TANK: variants seen among roughly 807,000 people sequenced by gnomAD.
The protein encoded by TANK is TRAF family member-associated NF-kappa-B activator.
Under a neutral mutation model 43.6 loss-of-function variants are expected in TANK, and 15 were observed. That is an observed-to-expected ratio of 0.34 (90% CI 0.23 to 0.53). TANK has a LOEUF of 0.53. Among genes scored for constraint, TANK ranks in the 20% least tolerant of loss-of-function variants. The probability of loss-of-function intolerance (pLI) is 0.94; values close to 1 mark genes in which losing one functional copy is unlikely to be tolerated. For synonymous variants in TANK, 162 were observed against 178.2 expected (o/e 0.91, Z 0.73); for missense variants, 417 against 498.6 (o/e 0.84, Z 1.56).
chr2:161,190,945 CTA>C (rs1685888279), intron 2 of TANK, among the ~76,000 whole-genome samples: 1 of 152,036 alleles, frequency 6.6e-6, no homozygotes, highest in South Asian at 2.1e-4. Context: ...TTTAAAAACT[CTA>C]TTACAAAAAA....
intron 4 of TANK, 98 bp from the exon 5 acceptor site, chr2:161,223,817 A>G: frequency 1.4e-6 from 1 of 704,468 alleles, no homozygotes; most frequent in Non-Finnish European, 2.4e-6. Flanking sequence ...TCAGTAGGGA[A>G]GGTAAATAAA....
chr2:161,185,542 A>C (rs1376193551), intron 2 of TANK, among the ~76,000 whole-genome samples: 1 of 151,168 alleles, frequency 6.6e-6, no homozygotes, highest in Non-Finnish European at 1.5e-5. Context: ...ATAACATAGC[A>C]GAGAGAGAGG....
At chr2:161,165,522 GTTGT>G (rs753658228) in intron 1 of TANK, among the ~76,000 whole-genome samples, 5 of 152,012 alleles carry the variant, frequency 3.3e-5, no homozygotes, top group African/African-American at 4.8e-5. Flanking sequence ...CCTTGAGATT[GTTGT>G]TTCTCAACCT....
chr2:161,227,879 T>C (rs116111521), intron 6 of TANK, among the ~76,000 whole-genome samples: 124 of 152,350 alleles, frequency 8.1e-4, no homozygotes, highest in African/African-American at 2.9e-3. Context: ...CGAGAGTTAA[T>C]GGACTTTAAG....
intron 2 of TANK, among the ~76,000 whole-genome samples, chr2:161,192,799 T>C (rs896459477): frequency 6.6e-6 from 1 of 152,224 alleles, no homozygotes; most frequent in Non-Finnish European, 1.5e-5. Flanking sequence ...GTTAGCTTTA[T>C]TTTCAAATGA....
At chr2:161,174,316 G>A (rs1459403180) in intron 1 of TANK, among the ~76,000 whole-genome samples, 1 of 152,078 alleles carries the variant, frequency 6.6e-6, no homozygotes, top group African/African-American at 2.4e-5. Context: ...AAAAGTCACA[G>A]TAATTTTCAC....
At chr2:161,192,983 C>G (rs1277044393) in intron 2 of TANK, among the ~76,000 whole-genome samples, 1 of 152,158 alleles carries the variant, frequency 6.6e-6, no homozygotes, top group Non-Finnish European at 1.5e-5. Context: ...AATATAGTCT[C>G]CTCTCTCCTT....
intron 2 of TANK, among the ~76,000 whole-genome samples, chr2:161,187,271 C>CA (rs1685705213): frequency 6.6e-6 from 1 of 151,774 alleles, no homozygotes. Context: ...TACAAAAAAA[C>CA]AAAAACAAAA....
intron 1 of TANK, among the ~76,000 whole-genome samples, chr2:161,147,571 G>A (rs1271406008): frequency 2.0e-5 from 3 of 152,156 alleles, no homozygotes; most frequent in African/African-American, 7.2e-5. Flanking sequence ...GGGCTTCCCT[G>A]CCCCATGTGG....
intron 1 of TANK, among the ~76,000 whole-genome samples, chr2:161,149,634 T>G (rs1053434991): frequency 2.0e-5 from 3 of 152,164 alleles, no homozygotes; most frequent in Non-Finnish European, 2.9e-5. Context: ...TCATAAATGC[T>G]CTTTATTATG....
intron 1 of TANK, among the ~76,000 whole-genome samples, chr2:161,170,705 A>G (rs969896134): frequency 6.6e-6 from 1 of 152,208 alleles, no homozygotes; most frequent in Non-Finnish European, 1.5e-5. Context: ...ATTTACTGAC[A>G]GGTTGCGAAC....
intron 1 of TANK, among the ~76,000 whole-genome samples, chr2:161,151,973 G>A (rs904236829): frequency 1.8e-4 from 28 of 151,886 alleles, no homozygotes; most frequent in African/African-American, 6.8e-4. Flanking sequence ...ATTACCATGT[G>A]AGTTACAATT....
intron 6 of TANK, among the ~76,000 whole-genome samples, chr2:161,228,687 C>T (rs977452813): frequency 1.3e-5 from 2 of 152,204 alleles, no homozygotes; most frequent in Non-Finnish European, 2.9e-5. Flanking sequence ...TAGGCCTTCA[C>T]ATTCACTCAC....
At chr2:161,194,454 A>G (rs561127785) in intron 2 of TANK, among the ~76,000 whole-genome samples, 1 of 152,176 alleles carries the variant, frequency 6.6e-6, no homozygotes, top group South Asian at 2.1e-4. Context: ...AAAGTGAAGG[A>G]TACATAATAT....
intron 6 of TANK, among the ~76,000 whole-genome samples, chr2:161,228,766 A>G (rs761434619): frequency 8.5e-5 from 13 of 152,306 alleles, no homozygotes; most frequent in Non-Finnish European, 1.6e-4. Context: ...AGTGCTCTAT[A>G]CAGGCATACC....
chr2:161,222,385 TATTAAA>T (rs1342190342), intron 4 of TANK, among the ~76,000 whole-genome samples: 3 of 149,128 alleles, frequency 2.0e-5, no homozygotes, highest in Admixed American at 6.7e-5. Context: ...TTGTTTGACA[TATTAAA>T]TTATCAAATA....
intron 4 of TANK, chr2:161,211,925 G>C: frequency 1.0e-6 from 1 of 981,262 alleles, no homozygotes; most frequent in Non-Finnish European, 1.2e-6. Context: ...TATATATAAT[G>C]CTTCTGTATT....
intron 1 of TANK, among the ~76,000 whole-genome samples, chr2:161,145,152 T>C (rs1437429194): frequency 1.4e-5 from 2 of 138,658 alleles, no homozygotes; most frequent in East Asian, 4.2e-4. Flanking sequence ...TTTTTTTTTT[T>C]TTTTTTTTGC....
At chr2:161,165,095 A>G (rs1475479511) in intron 1 of TANK, among the ~76,000 whole-genome samples, 3 of 150,182 alleles carry the variant, frequency 2.0e-5, no homozygotes, top group Non-Finnish European at 3.0e-5. Flanking sequence ...TAGGTTGCTA[A>G]CATTGACAAC....
Sources: allele counts gnomAD v4.1 joint callset (sites outside exome capture counted in the v4.1 genomes callset), GRCh38; gene constraint gnomAD v4.1.1; transcripts MANE v1.5; gene names NCBI Gene and HGNC (gene_info 2026-07-23, HGNC 2026-07-21).